Variants in LAMA3 observed in about 807,000 individuals in gnomAD.
The protein encoded by LAMA3 is laminin subunit alpha 3.
In LAMA3, 281 loss-of-function variants were observed where a neutral mutation model predicts 402.0. That is an observed-to-expected ratio of 0.70 (90% CI 0.63 to 0.77). The LOEUF (loss-of-function observed/expected upper bound fraction) is 0.77. Among genes scored for constraint, LAMA3 ranks in the 30% least tolerant of loss-of-function variants. The pLI, the probability that LAMA3 is intolerant of heterozygous loss-of-function variation, is 0.00. For synonymous variants in LAMA3, 1,431 were observed against 1,558.4 expected (o/e 0.92, Z 1.93); for missense variants, 3,840 against 4,215.5 (o/e 0.91, Z 2.47).
At chr18:23,843,479 C>T (rs2063749918) in intron 29 of LAMA3, among the ~76,000 whole-genome samples, 1 of 152,176 alleles carries the variant, frequency 6.6e-6, no homozygotes, top group Non-Finnish European at 1.5e-5. Context: ...CTCTGCCGTG[C>T]CTCCTGGAGG....
intron 23 of LAMA3, 31 bp from the exon 24 acceptor site, chr18:23,833,796 AT>A: frequency 6.2e-7 from 1 of 1,611,634 alleles, no homozygotes. Context: ...TCACAGCTGG[AT>A]CACAGTCTGT....
intron 10 of LAMA3, among the ~76,000 whole-genome samples, chr18:23,776,133 GTTGTGCCA>G (rs1037168315): frequency 5.3e-5 from 8 of 152,162 alleles, no homozygotes; most frequent in African/African-American, 1.9e-4. Flanking sequence ...AAAGTGTTAT[GTTGTGCCA>G]CAGAAATTGC....
chr18:23,902,219 G>A (rs1281041608), intron 48 of LAMA3, among the ~76,000 whole-genome samples: 1 of 151,976 alleles, frequency 6.6e-6, no homozygotes, highest in Non-Finnish European at 1.5e-5. Context: ...TCAGCTACTC[G>A]GGAGGCTGAG....
At chr18:23,728,796 C>T (rs896597900) in intron 2 of LAMA3, among the ~76,000 whole-genome samples, 4 of 151,970 alleles carry the variant, frequency 2.6e-5, no homozygotes, top group Non-Finnish European at 4.4e-5. Flanking sequence ...TTTGGGAGGC[C>T]GAGGCAGGCG....
intron 37 of LAMA3, among the ~76,000 whole-genome samples, chr18:23,869,042 T>C (rs2064437972): frequency 6.6e-6 from 1 of 152,216 alleles, no homozygotes; most frequent in Non-Finnish European, 1.5e-5. Context: ...AGTATCATAT[T>C]GTATGATTCT....
intron 8 of LAMA3, among the ~76,000 whole-genome samples, chr18:23,767,870 G>T (rs1021803273): frequency 6.6e-6 from 1 of 152,036 alleles, no homozygotes; most frequent in Non-Finnish European, 1.5e-5. Flanking sequence ...ACCGTGCCTG[G>T]CAAGGAAAGG....
At chr18:23,777,856 C>T (rs1320379353) in intron 11 of LAMA3, among the ~76,000 whole-genome samples, 1 of 152,180 alleles carries the variant, frequency 6.6e-6, no homozygotes, top group Non-Finnish European at 1.5e-5. Context: ...TTAGATATCA[C>T]CAGCTTGCTC....
At chr18:23,831,492 G>T (rs1228882085) in intron 23 of LAMA3, among the ~76,000 whole-genome samples, 1 of 151,806 alleles carries the variant, frequency 6.6e-6, no homozygotes, top group Non-Finnish European at 1.5e-5. Context: ...TCTTCTCCTT[G>T]TCCTCCACAC....
At chr18:23,907,474 C>A in intron 52 of LAMA3, 76 bp from the exon 53 acceptor site, 8 of 1,063,968 alleles carry the variant, frequency 7.5e-6, no homozygotes, top group African/African-American at 1.6e-5. Flanking sequence ...ACACTGGCTA[C>A]TTCAGGGGCC....
At chr18:23,737,844 AAGG>A (rs1320600683) in intron 2 of LAMA3, among the ~76,000 whole-genome samples, 1 of 152,236 alleles carries the variant, frequency 6.6e-6, no homozygotes, top group Non-Finnish European at 1.5e-5. Context: ...GAGTGTTTTA[AAGG>A]AGAAGTGCAG....
chr18:23,749,484 C>A lies in LAMA3; in HGVS notation c.622C>A (p.Arg208=), dbSNP rs779411388. Residue 208 remains arginine, a synonymous_variant, in exon 4 of 75, where the codon CGG becomes AGG. Transcript: ENST00000313654. The part of the protein sequence containing the change: ...FGREANMAVT[R]DDDVLCVTEY... ...GCGGGAGGCAAATATGGCTGTCACC[C>A]GGGATGATGATGTACTTTGTGTTAC... The A allele has an allele frequency of 1.2e-6, 2 of 1,613,100 alleles. No individual in the cohort carries two copies. The highest frequency in any genetic ancestry group is 2.2e-5 in the East Asian group (1 of 44,870).
intron 64 of LAMA3, among the ~76,000 whole-genome samples, chr18:23,930,532 G>C (rs1409017692): frequency 6.6e-6 from 1 of 152,148 alleles, no homozygotes; most frequent in African/African-American, 2.4e-5. Context: ...AGTATCTCTT[G>C]AGCCCAGGGG....
chr18:23,710,824 A>G (rs1395827455), intron 1 of LAMA3, among the ~76,000 whole-genome samples: 1 of 152,152 alleles, frequency 6.6e-6, no homozygotes, highest in African/African-American at 2.4e-5. Context: ...TTAATTTTTA[A>G]ATACATTATT....
intron 66 of LAMA3, chr18:23,932,657 C>A: frequency 3.5e-6 from 1 of 284,938 alleles, no homozygotes; most frequent in Non-Finnish European, 6.8e-6. Context: ...ACTGCATGGA[C>A]CAGTGCTGTG....
At chr18:23,848,548 G>A (rs1336202869) in intron 32 of LAMA3, among the ~76,000 whole-genome samples, 1 of 152,126 alleles carries the variant, frequency 6.6e-6, no homozygotes, top group Non-Finnish European at 1.5e-5. Context: ...AGCGTGCAGG[G>A]GAAAGCAGAA....
At chr18:23,905,309 C>A (rs912113345) in intron 51 of LAMA3, among the ~76,000 whole-genome samples, 1 of 152,178 alleles carries the variant, frequency 6.6e-6, no homozygotes, top group South Asian at 2.1e-4. Flanking sequence ...CAGTATGCCA[C>A]CAGAGATAGG....
At chr18:23,710,218 C>T in intron 1 of LAMA3, 1 of 631,900 alleles carries the variant, frequency 1.6e-6, no homozygotes. Flanking sequence ...GCCTTCTTGG[C>T]CTTCAAAACC....
At chr18:23,823,484 A>T (rs1156903029) in intron 20 of LAMA3, among the ~76,000 whole-genome samples, 1 of 152,136 alleles carries the variant, frequency 6.6e-6, no homozygotes. Context: ...TGGGAGCCCT[A>T]GTTATGTTAT....
At chr18:23,716,597 C>T (rs2061104731) in intron 2 of LAMA3, among the ~76,000 whole-genome samples, 1 of 152,124 alleles carries the variant, frequency 6.6e-6, no homozygotes, top group African/African-American at 2.4e-5. Context: ...ACTTTAAAAG[C>T]CTCCTTTTGA....
Sources: allele counts gnomAD v4.1 joint callset (sites outside exome capture counted in the v4.1 genomes callset), GRCh38; gene constraint gnomAD v4.1.1; transcripts MANE v1.5; gene names NCBI Gene and HGNC (gene_info 2026-07-23, HGNC 2026-07-21).